FAM168A: variants seen among roughly 807,000 people sequenced by gnomAD.
FAM168A encodes family with sequence similarity 168 member A.
A neutral mutation model predicts 28.5 loss-of-function variants in FAM168A; 3 were observed. The observed-to-expected ratio is 0.11, with a 90% confidence interval of 0.05 to 0.27. The LOEUF is 0.27. Ranked by LOEUF, FAM168A falls within the 10% of genes least tolerant of loss-of-function variation. The pLI, the probability that FAM168A is intolerant of heterozygous loss-of-function variation, is 1.00. For synonymous variants in FAM168A, 122 were observed against 124.2 expected (o/e 0.98, Z 0.12); for missense variants, 222 against 311.5 (o/e 0.71, Z 2.16).
At chr11:73,422,800 GAGAA>G (rs1169770938) in intron 3 of FAM168A, among the ~76,000 whole-genome samples, 1 of 152,250 alleles carries the variant, frequency 6.6e-6, no homozygotes, top group Non-Finnish European at 1.5e-5. Context: ...GAGAGAGAGA[GAGAA>G]AGAACCCTTG....
chr11:73,587,327 A>G (rs994152472), intron 1 of FAM168A, among the ~76,000 whole-genome samples: 5 of 152,038 alleles, frequency 3.3e-5, no homozygotes, highest in African/African-American at 1.2e-4. Context: ...CCCCGTTTCT[A>G]CTAAAAATAC....
intron 2 of FAM168A, among the ~76,000 whole-genome samples, chr11:73,462,192 T>C (rs986597539): frequency 5.9e-5 from 9 of 152,184 alleles, no homozygotes; most frequent in African/African-American, 1.9e-4. Flanking sequence ...TTATTTACAA[T>C]AGACCAAAAG....
chr11:73,467,406 G>A (rs1867751772), intron 2 of FAM168A, among the ~76,000 whole-genome samples: 1 of 151,784 alleles, frequency 6.6e-6, no homozygotes. Flanking sequence ...TGACAGAGCT[G>A]GGATTTGAAC....
intron 1 of FAM168A, among the ~76,000 whole-genome samples, chr11:73,565,230 A>C (rs192565725): frequency 5.3e-4 from 81 of 152,296 alleles, no homozygotes; most frequent in Admixed American, 4.9e-3. Flanking sequence ...ATGGAATGGG[A>C]TATTCTGTCA....
intron 1 of FAM168A, among the ~76,000 whole-genome samples, chr11:73,474,364 T>C (rs1168037331): frequency 1.3e-5 from 2 of 152,110 alleles, no homozygotes; most frequent in Admixed American, 1.3e-4. Flanking sequence ...TCTTACTGTG[T>C]TGTTCAGGCT....
In FAM168A at chr11:73,403,332, G is replaced by A. The variant is rs371861761; in HGVS notation, c.*3431C>T. 5.9e-5 allele frequency: 9 copies of A among 152,212 alleles called. No individual in the cohort carries two copies. The highest frequency in any genetic ancestry group is 2.2e-4 in the African/African-American group (9 of 41,528). 9.4% of individuals were successfully genotyped at this position (152,212 alleles called of 1,614,324 possible). On this transcript the variant is annotated 3_prime_UTR_variant, in exon 8 of 8. Coordinates refer to ENST00000356467, the MANE Select transcript of FAM168A (RefSeq NM_015159.3). ...CCCAGACTCAAACTTCTTGACCCCAGGCCAGTGAGGAGAGGGGGTCAGGTA... is the reference window on the plus strand; with the variant it reads ...CCCAGACTCAAACTTCTTGACCCCAAGCCAGTGAGGAGAGGGGGTCAGGTA...
intron 2 of FAM168A, among the ~76,000 whole-genome samples, chr11:73,451,189 G>A (rs1343539758): frequency 6.6e-6 from 1 of 152,142 alleles, no homozygotes; most frequent in Non-Finnish European, 1.5e-5. Context: ...AAGAAGGTGA[G>A]GCATAAGAGC....
At chr11:73,557,871 T>C (rs969087828) in intron 1 of FAM168A, among the ~76,000 whole-genome samples, 3 of 152,202 alleles carry the variant, frequency 2.0e-5, no homozygotes, top group Non-Finnish European at 4.4e-5. Context: ...CATACATCTC[T>C]GGCCAATTAA....
chr11:73,563,400 A>G (rs1266072698), intron 1 of FAM168A, among the ~76,000 whole-genome samples: 1 of 152,220 alleles, frequency 6.6e-6, no homozygotes, highest in Non-Finnish European at 1.5e-5. Context: ...CCTACACACT[A>G]TCTGGCCCAA....
At chr11:73,432,267 T>C (rs1313118188) in intron 2 of FAM168A, among the ~76,000 whole-genome samples, 1 of 152,228 alleles carries the variant, frequency 6.6e-6, no homozygotes, top group Non-Finnish European at 1.5e-5. Context: ...AGTACCTGTT[T>C]TCAAATCTTT....
intron 2 of FAM168A, among the ~76,000 whole-genome samples, chr11:73,447,590 A>G (rs957298560): frequency 6.6e-6 from 1 of 150,924 alleles, no homozygotes; most frequent in East Asian, 1.9e-4. Flanking sequence ...TCACCCCCCA[A>G]TTTGTTAGGT....
intron 1 of FAM168A, among the ~76,000 whole-genome samples, chr11:73,578,279 G>A (rs912627289): frequency 2.0e-5 from 3 of 152,048 alleles, no homozygotes; most frequent in Admixed American, 2.0e-4. Context: ...TTGCTTAAAT[G>A]GGGGGGATAT....
At chr11:73,427,688 T>C (rs1407948287) in intron 3 of FAM168A, among the ~76,000 whole-genome samples, 1 of 152,192 alleles carries the variant, frequency 6.6e-6, no homozygotes, top group East Asian at 1.9e-4. Context: ...ATAAAGAACT[T>C]CAAATAGTTC....
chr11:73,445,210 G>C (rs570681739), intron 2 of FAM168A, among the ~76,000 whole-genome samples: 1 of 150,674 alleles, frequency 6.6e-6, no homozygotes, highest in South Asian at 2.1e-4. Flanking sequence ...GGCAAGCCAA[G>C]ATGGCGACAT....
intron 2 of FAM168A, among the ~76,000 whole-genome samples, chr11:73,433,913 T>A (rs1320905496): frequency 6.7e-6 from 1 of 148,496 alleles, no homozygotes; most frequent in Non-Finnish European, 1.5e-5. Flanking sequence ...TGGCGCTGTA[T>A]TGGCTCACTG....
intron 5 of FAM168A, 102 bp downstream of exon 5, chr11:73,411,292 A>G: frequency 7.4e-7 from 1 of 1,348,644 alleles, no homozygotes; most frequent in Non-Finnish European, 1.0e-6. Flanking sequence ...AGAGCCACAA[A>G]CCATCCTCTC....
chr11:73,457,925 T>TA, intron 2 of FAM168A, among the ~76,000 whole-genome samples: 1 of 152,198 alleles, frequency 6.6e-6, no homozygotes, highest in Non-Finnish European at 1.5e-5. Context: ...CCCTCATATG[T>TA]AAAATAATAA....
At chr11:73,564,158 T>C (rs1209528928) in intron 1 of FAM168A, among the ~76,000 whole-genome samples, 1 of 152,174 alleles carries the variant, frequency 6.6e-6, no homozygotes, top group East Asian at 1.9e-4. Context: ...TTAAAACACA[T>C]TTACCCCTAA....
intron 2 of FAM168A, among the ~76,000 whole-genome samples, chr11:73,434,554 T>C (rs1867056002): frequency 1.3e-5 from 2 of 152,036 alleles, no homozygotes; most frequent in South Asian, 2.1e-4. Flanking sequence ...TGGGACAATG[T>C]TGGAGGAACA....
Sources: allele counts gnomAD v4.1 joint callset (sites outside exome capture counted in the v4.1 genomes callset), GRCh38; gene constraint gnomAD v4.1.1; transcripts MANE v1.5; gene names NCBI Gene and HGNC (gene_info 2026-07-23, HGNC 2026-07-21).